Variants in IDO1 observed in about 807,000 individuals in gnomAD.
IDO1 encodes the protein indoleamine 2,3-dioxygenase 1, also known as indolamine 2,3 dioxygenase.
Under a neutral mutation model 38.8 loss-of-function variants are expected in IDO1, and 35 were observed. That is an observed-to-expected ratio of 0.90 (90% CI 0.69 to 1.20). IDO1 has a LOEUF of 1.20. Ranked by LOEUF, IDO1 falls within the 50% of genes most tolerant of loss-of-function variation. IDO1 has a pLI of 0.00. For synonymous variants in IDO1, 171 were observed against 170.0 expected (o/e 1.01, Z -0.05); for missense variants, 509 against 485.1 (o/e 1.05, Z -0.46).
In IDO1 at chr8:39,927,953, G is replaced by A. The variant is rs1331518047; in HGVS notation, c.980G>A (p.Gly327Asp). The A allele has an allele frequency of 1.8e-5, 29 of 1,605,286 alleles. No individual in the cohort carries two copies. Among genetic ancestry groups the A allele is most frequent in the Non-Finnish European group, 2.5e-5 (29 of 1,175,756 alleles). ...REFVLSKGDA[G>D]LREAYDACVK... Reference sequence around the variant, plus strand: ...TTTGTCCTTTCAAAAGGTGATGCTGGCCTGCGGGAAGCTTATGACGCCTGT... The same window carrying A: ...TTTGTCCTTTCAAAAGGTGATGCTGACCTGCGGGAAGCTTATGACGCCTGT... Residue 327 changes from glycine to aspartate, a missense_variant, in exon 10 of 10, where the codon GGC becomes GAC. By Grantham distance (94) the Gly-to-Asp change is moderately conservative (BLOSUM62 -1). Coordinates refer to ENST00000518237, the MANE Select transcript of IDO1 (RefSeq NM_002164.6).
intron 1 of IDO1, among the ~76,000 whole-genome samples, chr8:39,916,135 C>G (rs1019815558): frequency 6.6e-6 from 1 of 151,948 alleles, no homozygotes; most frequent in Non-Finnish European, 1.5e-5. Context: ...CACCGCACTC[C>G]AGCCTGGGTG....
intron 7 of IDO1, chr8:39,923,928 G>A (rs190808599): frequency 0.012 from 1,630 of 140,864 alleles, 30 homozygotes; most frequent in African/African-American, 0.04. Context: ...TTTAAGTCCC[G>A]AAAAAAAAAA....
chr8:39,927,503 C>T (rs563724097), intron 9 of IDO1, among the ~76,000 whole-genome samples: 10 of 147,798 alleles, frequency 6.8e-5, no homozygotes, highest in South Asian at 4.3e-4. Context: ...CAGGTTGCGG[C>T]GAGCCGAGAT....
chr8:39,928,257 C>A lies in IDO1; in HGVS notation c.*72C>A. 1 of 1,067,460 alleles carries A rather than the reference C, an allele frequency of 9.4e-7. No homozygotes were observed. The highest frequency in any genetic ancestry group is 1.4e-6 in the Non-Finnish European group (1 of 737,308). 66.1% of individuals were successfully genotyped at this position (1,067,460 alleles called of 1,614,324 possible). A position where few individuals can be genotyped will look rare whatever the true frequency, so the allele number is the denominator to read the frequency against. On this transcript the variant is annotated 3_prime_UTR_variant, in exon 10 of 10. Transcript: ENST00000518237. ...GCATTCCTGTCATTACCCATTGTAA[C>A]AGAGCCACAAACTAATACTATGCAA...
chr8:39,919,116 T>C lies in IDO1; in HGVS notation c.422+183T>C, dbSNP rs188931634. The C allele has an allele frequency of 3.0e-5, 22 of 734,330 alleles. No homozygotes were observed. The Admixed American group carries it at 3.8e-4, about 13-fold the overall frequency. 45.5% of individuals were successfully genotyped at this position (734,330 alleles called of 1,614,324 possible). A position where few individuals can be genotyped will look rare whatever the true frequency, so the allele number is the denominator to read the frequency against. ...GTGTCTACCACTACAAATGTACACA[T>C]ATGTGACAGGTGTATAGTTAACACA... On this transcript the variant is annotated intron_variant, in intron 4 of 9. Coordinates refer to ENST00000518237, the MANE Select transcript of IDO1 (RefSeq NM_002164.6).
chr8:39,918,639 G>A (rs550585379), intron 3 of IDO1, among the ~76,000 whole-genome samples, 176 bp from the exon 4 acceptor site: 56 of 151,072 alleles, frequency 3.7e-4, no homozygotes, highest in Non-Finnish European at 6.8e-4. Flanking sequence ...CCAGCTACTC[G>A]GGAGGCTGAG....
chr8:39,926,428 C>T (rs1043546222), intron 9 of IDO1, among the ~76,000 whole-genome samples: 1 of 152,094 alleles, frequency 6.6e-6, no homozygotes, highest in Non-Finnish European at 1.5e-5. Context: ...AGAGTCTGGG[C>T]CCTGCTCTTG....
At chr8:39,923,889 T>C (rs1807318126) in intron 7 of IDO1, 1 of 184,830 alleles carries the variant, frequency 5.4e-6, no homozygotes, top group Non-Finnish European at 1.1e-5. Flanking sequence ...CTAAAAACCT[T>C]AGAGAAACTT....
Position 39,918,934 on chromosome 8 carries a change from G to T in IDO1, c.422+1G>T, listed in dbSNP as rs778026073. On this transcript the variant is annotated splice_donor_variant, in intron 4 of 9. Transcript: ENST00000518237. LOFTEE classifies it high-confidence loss of function. ...ACTGGAAGAAAAAGGATCCTAATAA[G>T]TATGTAAACAGTGATAACAACAGGA... The T allele has an allele frequency of 6.7e-7, 1 of 1,499,724 alleles. No individual in the cohort carries two copies. Among genetic ancestry groups the T allele is most frequent in the Non-Finnish European group, 9.3e-7 (1 of 1,075,974 alleles). 92.9% of individuals were successfully genotyped at this position (1,499,724 alleles called of 1,614,324 possible).
rs756327390 is a variant in IDO1 at position 39,925,295 on chromosome 8, A to C, written c.780A>C (p.Ala260=). Residue 260 remains alanine (A), a synonymous_variant, in exon 9 of 10, where the codon GCA becomes GCC. Transcript: ENST00000518237. ...EGFWEDPKEF[A]GGSAGQSSVF... is the part of the protein sequence containing the mutation. Reference sequence around the variant, plus strand: ...TCTGGGAAGACCCAAAGGAGTTTGCAGGGGGCAGTGCAGGCCAAAGCAGCG... The same window carrying C: ...TCTGGGAAGACCCAAAGGAGTTTGCCGGGGGCAGTGCAGGCCAAAGCAGCG... 1 of 1,613,244 alleles carries C rather than the reference A, an allele frequency of 6.2e-7. No homozygotes were observed. Among genetic ancestry groups the C allele is most frequent in the South Asian group, 1.1e-5 (1 of 90,944 alleles).
intron 5 of IDO1, among the ~76,000 whole-genome samples, chr8:39,921,638 A>G (rs72643906): frequency 0.011 from 1,736 of 152,324 alleles, 16 homozygotes; most frequent in South Asian, 0.031. Context: ...AAGGTCACAC[A>G]GCAAGTAAGT....
At chr8:39,922,035 T>C (rs1227653261) in intron 5 of IDO1, among the ~76,000 whole-genome samples, 1 of 152,122 alleles carries the variant, frequency 6.6e-6, no homozygotes, top group Non-Finnish European at 1.5e-5. Context: ...AGTCTCGCTC[T>C]TGTCGCCCAG....
In IDO1 at chr8:39,918,869, C is replaced by T; in HGVS notation, c.358C>T (p.Leu120=). 1 of 1,612,878 alleles carries T rather than the reference C, an allele frequency of 6.2e-7. No homozygotes were observed. The highest frequency in any genetic ancestry group is 8.5e-7 in the Non-Finnish European group (1 of 1,179,328). ...CTGCCAACTCTCCAAGAAACTGGAA[C>T]TGCCTCCTATTTTGGTTTATGCAGA... is the stretch of plus-strand genomic sequence containing the variant. ...PYCQLSKKLE[L]PPILVYADCV... is the part of the protein sequence containing the mutation. The change falls in exon 4 of 10, where the codon CTG becomes TTG. Residue 120 remains leucine (L), a synonymous_variant. Coordinates refer to ENST00000518237, the MANE Select transcript of IDO1 (RefSeq NM_002164.6).
chr8:39,924,186 A>G (rs897405372), intron 7 of IDO1, among the ~76,000 whole-genome samples: 5 of 152,062 alleles, frequency 3.3e-5, no homozygotes, highest in Non-Finnish European at 7.4e-5. Flanking sequence ...GTCCTTGGCA[A>G]GAAGCTAGAT....
chr8:39,926,144 G>A (rs1054919385), intron 9 of IDO1, among the ~76,000 whole-genome samples: 69 of 152,126 alleles, frequency 4.5e-4, no homozygotes, highest in South Asian at 1.7e-3. Context: ...CCGATATGGC[G>A]CCACTGCACT....
chr8:39,924,604 G>A, intron 7 of IDO1, 117 bp from the exon 8 acceptor site: 1 of 696,224 alleles, frequency 1.4e-6, no homozygotes, highest in Non-Finnish European at 2.6e-6. Flanking sequence ...AGCATAGACT[G>A]ACCTAATGCC....
At chr8:39,918,495 C>T (rs1807214203) in intron 3 of IDO1, 1 of 463,922 alleles carries the variant, frequency 2.2e-6, no homozygotes, top group Non-Finnish European at 3.8e-6. Context: ...ATGGGCCTCC[C>T]AGCACTTTGA....
rs576606605 is a variant in IDO1 at position 39,925,782 on chromosome 8, A to G, written c.856+411A>G. ...GCCTCTAATCCCAGCTACTCGGGAG[A>G]CTGAGGCAGGAGAATCGCCTGAACC... is the stretch of plus-strand genomic sequence containing the variant. On this transcript the variant is annotated intron_variant, in intron 9 of 9. Transcript: ENST00000518237. Among the ~76,000 whole-genome samples the G allele has an allele frequency of 5.3e-5, 8 of 152,104 alleles. No homozygotes were observed. The East Asian group carries it at 1.5e-3, about 29-fold the overall frequency.
chr8:39,914,102 A>AG, intron 1 of IDO1, 93 bp downstream of exon 1: 1 of 827,354 alleles, frequency 1.2e-6, no homozygotes, highest in Non-Finnish European at 2.0e-6. Context: ...GTGGTTCAGT[A>AG]ACTTCTAGTA....
Sources: gnomAD v4.1 joint callset for allele counts (sites outside exome capture counted in the v4.1 genomes callset) on GRCh38, gnomAD v4.1.1 for gene constraint, MANE v1.5 for transcripts, NCBI Gene and HGNC (gene_info 2026-07-23, HGNC 2026-07-21) for gene names.